Variants in PMP22 observed in about 807,000 individuals in gnomAD.
PMP22 encodes the protein peripheral myelin protein 22, also known as Charcot-Marie-Tooth neuropathy 1A (greatly reduced nerve conduction velocity, hereditary motor sensory neuropathy Ia).
In PMP22, 2 loss-of-function variants were observed where a neutral mutation model predicts 18.9. The observed-to-expected ratio is 0.11, with a 90% CI of 0.04 to 0.33. The LOEUF (loss-of-function observed/expected upper bound fraction) is 0.33. PMP22 is among the 10% of genes least tolerant of loss of function. The probability of loss-of-function intolerance (pLI) is 1.00; values close to 1 mark genes in which losing one functional copy is unlikely to be tolerated. For synonymous variants in PMP22, 95 were observed against 89.2 expected (o/e 1.07, Z -0.37); for missense variants, 169 against 202.2 (o/e 0.84, Z 1.00).
intron 1 of PMP22, among the ~76,000 whole-genome samples, chr17:15,263,583 G>GCGCACACA (rs71353722): frequency 5.3e-5 from 8 of 149,942 alleles, no homozygotes; most frequent in African/African-American, 2.0e-4. Context: ...GCACGCGCGC[G>GCGCACACA]CACACACACA....
chr17:15,259,215 T>C (rs1469060781), intron 2 of PMP22, 22 bp from the exon 3 acceptor site: 5 of 1,579,222 alleles, frequency 3.2e-6, no homozygotes, highest in African/African-American at 2.7e-5. Flanking sequence ...CAGATAGATA[T>C]CCTGAGTCAG....
chr17:15,260,818 C>A (rs1909267244), intron 1 of PMP22, 57 bp from the exon 2 acceptor site: 2 of 1,180,490 alleles, frequency 1.7e-6, no homozygotes, highest in Non-Finnish European at 2.5e-6. Flanking sequence ...GACGGAGGCG[C>A]GCGCAGAGGG....
Position 15,239,504 on chromosome 17 carries a change from A to G in PMP22, c.286T>C (p.Phe96Leu). 1 of 1,614,188 alleles carries G rather than the reference A, an allele frequency of 6.2e-7. No individual in the cohort carries two copies. The highest frequency in any genetic ancestry group is 8.5e-7 in the Non-Finnish European group (1 of 1,180,008). The part of the protein sequence containing the change: ...QLFTLTKGGR[F>L]YITGIFQILA... The stretch of plus-strand genomic sequence containing the variant: ...ATTTGGAAGATTCCAGTGATGTAAA[A>G]CCTGCCCCCCTTGGTGAGGGTGAAG... The change falls in exon 4 of 5, where the codon TTT becomes CTT. Residue 96 changes from phenylalanine to leucine, a missense_variant. Phe to Leu is a conservative substitution (Grantham distance 22). Coordinates refer to ENST00000312280, the MANE Select transcript of PMP22 (RefSeq NM_000304.4).
At chr17:15,231,888 G>A (rs1035182937) in intron 4 of PMP22, among the ~76,000 whole-genome samples, 2 of 152,130 alleles carry the variant, frequency 1.3e-5, no homozygotes, top group Admixed American at 1.3e-4. Flanking sequence ...GAGAAGAAAA[G>A]CCTCCATCTT....
At chr17:15,245,577 C>T (rs938465157) in intron 3 of PMP22, among the ~76,000 whole-genome samples, 2 of 152,066 alleles carry the variant, frequency 1.3e-5, no homozygotes, top group East Asian at 1.9e-4. Flanking sequence ...GTTATTGAAG[C>T]GCTGTTAAAG....
At chr17:15,260,621 C>T (rs1909232347) in intron 2 of PMP22, 29 bp downstream of exon 2, 1 of 1,536,538 alleles carries the variant, frequency 6.5e-7, no homozygotes, top group Non-Finnish European at 8.8e-7. Context: ...GGGCGGGCCG[C>T]GCAGGGAGCC....
chr17:15,260,797 C>G, intron 1 of PMP22, 36 bp from the exon 2 acceptor site: 1 of 1,363,998 alleles, frequency 7.3e-7, no homozygotes, highest in South Asian at 1.2e-5. Flanking sequence ...GCCGAACGCA[C>G]TGGGCCGAGC....
chr17:15,263,637 C>G (rs1389169863), intron 1 of PMP22, among the ~76,000 whole-genome samples: 1 of 152,020 alleles, frequency 6.6e-6, no homozygotes, highest in Non-Finnish European at 1.5e-5. Context: ...GTCATAGAAG[C>G]TCATCACTCT....
intron 3 of PMP22, among the ~76,000 whole-genome samples, chr17:15,253,758 A>G (rs916600263): frequency 1.3e-5 from 2 of 151,838 alleles, no homozygotes; most frequent in Non-Finnish European, 2.9e-5. Flanking sequence ...TTCTGTATGG[A>G]ACCTCCCCGA....
chr17:15,240,231 A>G (rs1213361552), intron 3 of PMP22, among the ~76,000 whole-genome samples: 4 of 152,178 alleles, frequency 2.6e-5, no homozygotes, highest in African/African-American at 4.8e-5. Flanking sequence ...CTGTATTCCA[A>G]GAAAAATAGC....
At chr17:15,254,333 G>A (rs753530202) in intron 3 of PMP22, among the ~76,000 whole-genome samples, 15 of 152,310 alleles carry the variant, frequency 9.8e-5, no homozygotes, top group Admixed American at 3.9e-4. Context: ...CTGCCCTGGC[G>A]CCTCTGACAA....
rs1330024942 is a variant in PMP22, at chr17:15,231,963, C to A, written c.320-883G>T. ...GCTCACGTGACAGACAGCGTCCCCCCACAAGGAGGGGTCCAGTGATGTCAG... is the reference window on the plus strand; with the variant it reads ...GCTCACGTGACAGACAGCGTCCCCCAACAAGGAGGGGTCCAGTGATGTCAG... On this transcript the variant is annotated intron_variant, in intron 4 of 4. Coordinates refer to ENST00000312280, the MANE Select transcript of PMP22 (RefSeq NM_000304.4). Among the ~76,000 whole-genome samples, 2 of 152,126 alleles carry A rather than the reference C, an allele frequency of 1.3e-5. 1 individual carries two copies. Among genetic ancestry groups the A allele is most frequent in the South Asian group, 4.2e-4 (2 of 4,812 alleles).
intron 3 of PMP22, among the ~76,000 whole-genome samples, chr17:15,244,858 G>A (rs1907655482): frequency 6.6e-6 from 1 of 152,194 alleles, no homozygotes; most frequent in African/African-American, 2.4e-5. Flanking sequence ...CCTTTCAGTT[G>A]AGGATATTTT....
intron 3 of PMP22, among the ~76,000 whole-genome samples, chr17:15,242,736 G>A (rs1371455342): frequency 1.3e-5 from 2 of 152,118 alleles, no homozygotes; most frequent in East Asian, 3.8e-4. Context: ...TAGAAAACTT[G>A]TGTCTATATA....
At chr17:15,253,174 T>C (rs1036486279) in intron 3 of PMP22, among the ~76,000 whole-genome samples, 1 of 152,142 alleles carries the variant, frequency 6.6e-6, no homozygotes, top group South Asian at 2.1e-4. Flanking sequence ...TGTATGAGTT[T>C]GCAAACTAAA....
At chr17:15,257,225 T>A (rs191848074) in intron 3 of PMP22, among the ~76,000 whole-genome samples, 66 of 152,362 alleles carry the variant, frequency 4.3e-4, no homozygotes, top group African/African-American at 1.5e-3. Context: ...GATCTGCTTC[T>A]AGCACCAACT....
chr17:15,246,852 A>C (rs1056535520), intron 3 of PMP22, among the ~76,000 whole-genome samples: 1 of 152,040 alleles, frequency 6.6e-6, no homozygotes, highest in African/African-American at 2.4e-5. Context: ...CGGGTGGATC[A>C]CAAGGTCAGG....
rs1197403748 is a variant in PMP22, at chr17:15,260,640, A to G, written c.78+10T>C. On this transcript the variant is annotated intron_variant, in intron 2 of 4. Coordinates refer to ENST00000312280, the MANE Select transcript of PMP22 (RefSeq NM_000304.4). Reference sequence around the variant, plus strand: ...GGGCCGCGCAGGGAGCCTCCCCGCCAGGCACTCACGCTGACGATCGTGGAG... The same window carrying G: ...GGGCCGCGCAGGGAGCCTCCCCGCCGGGCACTCACGCTGACGATCGTGGAG... 9 of 1,550,798 alleles carry G rather than the reference A, an allele frequency of 5.8e-6. No homozygotes were observed. The Admixed American group carries it at 1.4e-4, about 24-fold the overall frequency.
At chr17:15,241,209 T>A (rs1907286959) in intron 3 of PMP22, among the ~76,000 whole-genome samples, 1 of 152,206 alleles carries the variant, frequency 6.6e-6, no homozygotes. Flanking sequence ...AGTAAGAAAA[T>A]GACGGCTAAT....
Sources: allele counts gnomAD v4.1 joint callset (sites outside exome capture counted in the v4.1 genomes callset), GRCh38; gene constraint gnomAD v4.1.1; transcripts MANE v1.5; gene names NCBI Gene and HGNC (gene_info 2026-07-23, HGNC 2026-07-21).